The following DLGAP4 variants were observed in gnomAD, a reference collection of about 807,000 sequenced individuals.
DLGAP4 encodes the protein DLG associated protein 4.
In DLGAP4, 18 loss-of-function variants were observed where a neutral mutation model predicts 86.9. That is an observed-to-expected ratio of 0.21 (90% CI 0.14 to 0.31). DLGAP4 has a LOEUF of 0.31. DLGAP4 is among the 10% of genes least tolerant of loss of function. The probability of loss-of-function intolerance (pLI) is 1.00; values close to 1 mark genes in which losing one functional copy is unlikely to be tolerated. For missense variants in DLGAP4, 1,085 were observed against 1,362.6 expected (o/e 0.80, Z 3.21); for synonymous variants, 548 against 574.3 (o/e 0.95, Z 0.65).
At chr20:36,365,991 A>T (rs2030675021) in intron 1 of DLGAP4, among the ~76,000 whole-genome samples, 1 of 152,010 alleles carries the variant, frequency 6.6e-6, no homozygotes, top group Non-Finnish European at 1.5e-5. Context: ...GAGAGGGTGG[A>T]GGGTGAGGGG....
At chr20:36,499,195 TTCTC>T in intron 8 of DLGAP4, 1 of 1,561,140 alleles carries the variant, frequency 6.4e-7, no homozygotes, top group South Asian at 1.1e-5. Context: ...TGTGTTTTCT[TTCTC>T]TTTCGTCGTC....
At chr20:36,343,857 C>A (rs1386149700) in intron 1 of DLGAP4, among the ~76,000 whole-genome samples, 8 of 152,252 alleles carry the variant, frequency 5.3e-5, no homozygotes, top group Non-Finnish European at 1.0e-4. Flanking sequence ...CCCCGAGTGG[C>A]TGCTGGCCCG....
intron 7 of DLGAP4, among the ~76,000 whole-genome samples, chr20:36,474,439 G>A (rs540605675): frequency 4.6e-5 from 7 of 152,338 alleles, no homozygotes; most frequent in African/African-American, 1.7e-4. Flanking sequence ...AGTTCTCTCT[G>A]CAGGGTCATC....
intron 11 of DLGAP4, 124 bp from the exon 12 acceptor site, chr20:36,525,726 CA>C: frequency 3.1e-6 from 4 of 1,278,836 alleles, no homozygotes; most frequent in Non-Finnish European, 4.4e-6. Context: ...CTTACCCAGA[CA>C]CTAGGCCTCA....
At chr20:36,417,782 T>TG (rs754488731) in intron 2 of DLGAP4, among the ~76,000 whole-genome samples, 1,830 of 150,854 alleles carry the variant, frequency 0.012, 25 homozygotes, top group South Asian at 0.05. Context: ...GGTTTTTTTT[T>TG]TTTGTTGTTG....
intron 3 of DLGAP4, among the ~76,000 whole-genome samples, chr20:36,435,349 G>A (rs971834634): frequency 6.6e-6 from 1 of 152,292 alleles, no homozygotes; most frequent in South Asian, 2.1e-4. Flanking sequence ...ACTGCCCTGG[G>A]GCAGCCAGCA....
At chr20:36,407,381 A>G (rs1385188501) in intron 2 of DLGAP4, among the ~76,000 whole-genome samples, 1 of 152,120 alleles carries the variant, frequency 6.6e-6, no homozygotes, top group Non-Finnish European at 1.5e-5. Flanking sequence ...TTCTTCCTGC[A>G]TTGTTCATCC....
chr20:36,521,668 C>A (rs1313117077), intron 10 of DLGAP4, among the ~76,000 whole-genome samples: 1 of 152,210 alleles, frequency 6.6e-6, no homozygotes, highest in East Asian at 1.9e-4. Context: ...AATCTCTGTA[C>A]GATCTCCAGG....
In DLGAP4 at chr20:36,310,170, CAAAA is replaced by C. The variant is rs1184170088; in HGVS notation, c.-304+3668_-304+3671del. Among the ~76,000 whole-genome samples the C allele has an allele frequency of 6.2e-4, 31 of 49,820 alleles. 4 individuals carry two copies. The Admixed American group carries it at 6.6e-3, about 11-fold the overall frequency. The allele number at this position is 49,820 out of a possible 152,430, so 32.7% of individuals were successfully genotyped here. On this transcript the variant is annotated intron_variant, in intron 1 of 12. Transcript: ENST00000339266. ...GCAACATAGTGAGACCCTGTCTCTA[CAAAA>C]AAAAAAAAAGAAAGAAAGAAAGAAA...
At chr20:36,386,389 A>G (rs936334844) in intron 2 of DLGAP4, among the ~76,000 whole-genome samples, 6 of 150,464 alleles carry the variant, frequency 4.0e-5, no homozygotes, top group African/African-American at 1.5e-4. Context: ...GAGGGAAAAA[A>G]GGGAGAAAAG....
chr20:36,490,618 GTAAAGCCTGAGCCATGGCTT>G (rs1310999429), intron 7 of DLGAP4, among the ~76,000 whole-genome samples: 1 of 152,224 alleles, frequency 6.6e-6, no homozygotes, highest in Non-Finnish European at 1.5e-5. Context: ...TGTCTTTGCT[GTAAAGCCTGAGCCATGGCTT>G]CCAGGTTGTC....
intron 1 of DLGAP4, among the ~76,000 whole-genome samples, chr20:36,319,230 G>C (rs1291653133): frequency 6.6e-6 from 1 of 152,140 alleles, no homozygotes; most frequent in Non-Finnish European, 1.5e-5. Flanking sequence ...ATTTTGAGGG[G>C]TGGCCCAAGT....
intron 1 of DLGAP4, among the ~76,000 whole-genome samples, chr20:36,332,302 CGGCCCCCCTCCT>C (rs1289115901): frequency 6.6e-6 from 1 of 152,146 alleles, no homozygotes; most frequent in Non-Finnish European, 1.5e-5. Context: ...CCGATCTCCA[CGGCCCCCCTCCT>C]TTCCTCTCCT....
rs574039526 is a variant in DLGAP4 at position 36,415,197 on chromosome 20, G to A, written c.-72-16449G>A. On this transcript the variant is annotated intron_variant, in intron 2 of 12. Transcript: ENST00000339266. ...ATGAAAATCGCTTGAACCTGGAGGT[G>A]GAGGTTGCAGTGAGCCAAGGTTGTG... 3.3e-5 allele frequency among the ~76,000 whole-genome samples: 5 copies of A among 152,332 alleles called. No individual in the cohort carries two copies. In the East Asian group the frequency reaches 5.8e-4, roughly 18 times the overall value.
intron 6 of DLGAP4, among the ~76,000 whole-genome samples, chr20:36,443,567 C>T (rs1025258396): frequency 2.6e-5 from 4 of 152,152 alleles, no homozygotes; most frequent in African/African-American, 7.2e-5. Context: ...TCCTCCTGAA[C>T]ACATGATTCA....
intron 7 of DLGAP4, among the ~76,000 whole-genome samples, chr20:36,486,679 C>T (rs1419528882): frequency 1.3e-5 from 2 of 150,726 alleles, no homozygotes; most frequent in South Asian, 2.1e-4. Flanking sequence ...GGCGCAATCT[C>T]GGCTCACTGC....
chr20:36,463,004 G>T (rs1569507536), intron 7 of DLGAP4, among the ~76,000 whole-genome samples: 1 of 151,760 alleles, frequency 6.6e-6, no homozygotes, highest in African/African-American at 2.4e-5. Flanking sequence ...AAATTTTGCA[G>T]GGGGGTGGGG....
intron 1 of DLGAP4, among the ~76,000 whole-genome samples, chr20:36,347,389 C>A (rs567091593): frequency 4.6e-5 from 7 of 152,096 alleles, no homozygotes; most frequent in African/African-American, 1.7e-4. Flanking sequence ...CAGATGGGGC[C>A]AGATCATGGG....
At chr20:36,496,670 C>A in intron 7 of DLGAP4, 35 bp from the exon 8 acceptor site, 1 of 1,571,960 alleles carries the variant, frequency 6.4e-7, no homozygotes, top group Non-Finnish European at 8.7e-7. Flanking sequence ...TTCACCATCT[C>A]ACCTCTCCCC....
Sources: allele counts gnomAD v4.1 joint callset (sites outside exome capture counted in the v4.1 genomes callset), GRCh38; gene constraint gnomAD v4.1.1; transcripts MANE v1.5; gene names NCBI Gene and HGNC (gene_info 2026-07-23, HGNC 2026-07-21).